The following ZMYND8 variants were observed in gnomAD, a reference collection of about 807,000 sequenced individuals.
ZMYND8 encodes the protein MYND-type zinc finger-containing chromatin reader ZMYND8.
ZMYND8 carries 37 observed loss-of-function variants against 140.8 expected under a neutral mutation model. That is an observed-to-expected ratio of 0.26 (90% CI 0.20 to 0.35). ZMYND8 has a LOEUF of 0.35. ZMYND8 is among the 10% of genes least tolerant of loss of function. ZMYND8 has a pLI of 1.00. For missense variants in ZMYND8, 1,068 were observed against 1,570.0 expected (o/e 0.68, Z 5.40); for synonymous variants, 592 against 597.1 (o/e 0.99, Z 0.12).
At position 47,297,649 on chromosome 20, in the gene ZMYND8, T is replaced by C. The variant is rs140814460; in HGVS notation, c.453+1080A>G. On this transcript the variant is annotated intron_variant, in intron 4 of 22. Transcript: ENST00000471951. The stretch of plus-strand genomic sequence containing the variant: ...TATGTTGCCCAGACAGGTCTTGAAC[T>C]CCTGGGATCAAGCAATTCTCCTGCC... 6.8e-3 allele frequency among the ~76,000 whole-genome samples: 1,035 copies of C among 152,236 alleles called. 11 individuals carry two copies. The highest frequency in any genetic ancestry group is 0.024 in the African/African-American group (994 of 41,538).
At chr20:47,331,190 A>G (rs2080910113) in intron 2 of ZMYND8, among the ~76,000 whole-genome samples, 1 of 152,218 alleles carries the variant, frequency 6.6e-6, no homozygotes, top group African/African-American at 2.4e-5. Context: ...CCAAGGAGGA[A>G]ACACTTAAGA....
chr20:47,294,822 G>T lies in ZMYND8; in HGVS notation c.454-43C>A, dbSNP rs1341473265. 3.2e-6 allele frequency: 5 copies of T among 1,558,990 alleles called. No homozygotes were observed. The East Asian group carries it at 9.0e-5, about 28-fold the overall frequency. On this transcript the variant is annotated intron_variant, in intron 4 of 22. Coordinates refer to ENST00000471951, the MANE Select transcript of ZMYND8 (RefSeq NM_001281775.3). The stretch of plus-strand genomic sequence containing the variant: ...TACATAAACGTCCGGTTAGAAAAAA[G>T]AAATTACCATCCATGTACTGATTTC...
At chr20:47,355,541 T>G (rs1043738492) in intron 1 of ZMYND8, 3 of 976,892 alleles carry the variant, frequency 3.1e-6, no homozygotes, top group Non-Finnish European at 3.6e-6. Flanking sequence ...AAGGAAATTT[T>G]TTTAAACAGT....
intron 10 of ZMYND8, among the ~76,000 whole-genome samples, chr20:47,281,031 T>G (rs2076575193): frequency 6.6e-6 from 1 of 152,206 alleles, no homozygotes; most frequent in African/African-American, 2.4e-5. Context: ...GATGTCAGCC[T>G]TCACATGGGC....
chr20:47,355,374 A>G (rs2083137547), intron 1 of ZMYND8: 4 of 906,536 alleles, frequency 4.4e-6, no homozygotes, highest in Non-Finnish European at 4.0e-6. Flanking sequence ...GCCAAGACCC[A>G]CTATTACAAA....
intron 2 of ZMYND8, among the ~76,000 whole-genome samples, chr20:47,346,924 T>C (rs534574548): frequency 2.6e-5 from 4 of 152,286 alleles, no homozygotes; most frequent in Admixed American, 2.6e-4. Flanking sequence ...CTTGTAACAA[T>C]CCTCAAAATG....
intron 16 of ZMYND8, among the ~76,000 whole-genome samples, chr20:47,234,898 G>C (rs1346696857): frequency 3.3e-5 from 5 of 152,244 alleles, no homozygotes; most frequent in Middle Eastern, 3.4e-3. Flanking sequence ...CCAACACTTT[G>C]GGAGGACTAG....
chr20:47,285,943 CGT>C, intron 8 of ZMYND8: 1 of 682,736 alleles, frequency 1.5e-6, no homozygotes, highest in Non-Finnish European at 1.8e-6. Flanking sequence ...ATATTCCCAG[CGT>C]CTTTGGAGGC....
intron 14 of ZMYND8, among the ~76,000 whole-genome samples, chr20:47,242,005 G>A (rs2040030685): frequency 6.6e-6 from 1 of 151,786 alleles, no homozygotes; most frequent in African/African-American, 2.4e-5. Flanking sequence ...TCTCAGTAGA[G>A]GCGGGGTTTC....
chr20:47,238,805 GGCTGCTGCTGCTGGTTTTGCTGCTGCT>G lies in ZMYND8; in HGVS notation c.2591_2617del (p.Gln864_Gln872del), dbSNP rs1568954011. The G allele has an allele frequency of 1.2e-6, 2 of 1,613,074 alleles. No individual in the cohort carries two copies. The highest frequency in any genetic ancestry group is 1.7e-6 in the Non-Finnish European group (2 of 1,180,002). On this transcript the variant is annotated inframe_deletion, in exon 15 of 23. Coordinates refer to ENST00000471951, the MANE Select transcript of ZMYND8 (RefSeq NM_001281775.3). The stretch of plus-strand genomic sequence containing the variant: ...ATATCTCGTCCCCTGGGAAGACTGA[GGCTGCTGCTGCTGGTTTTGCTGCTGCT>G]GCTGCTGCTGCTGACGCTGCATCTT...
intron 2 of ZMYND8, among the ~76,000 whole-genome samples, chr20:47,331,930 G>A (rs1028146184): frequency 1.3e-5 from 2 of 152,222 alleles, no homozygotes; most frequent in South Asian, 2.1e-4. Flanking sequence ...CTTGCTGGAC[G>A]CGGTGGCTCA....
intron 1 of ZMYND8, among the ~76,000 whole-genome samples, chr20:47,350,471 T>G (rs186207119): frequency 0.026 from 3,912 of 150,216 alleles, 138 homozygotes; most frequent in African/African-American, 0.085. Context: ...GTGTGTGTGT[T>G]TTTTTTTGAT....
At chr20:47,299,391 C>T (rs1031842562) in intron 3 of ZMYND8, among the ~76,000 whole-genome samples, 3 of 152,114 alleles carry the variant, frequency 2.0e-5, no homozygotes, top group Admixed American at 6.6e-5. Context: ...ATAATGTATG[C>T]CTGTTTATCA....
In ZMYND8 at chr20:47,312,806, A is replaced by AAG. The variant is rs1451243122; in HGVS notation, c.86-2604_86-2603dup. ...CTCCGTCTCAAAAAAAAAAAAAAAA[A>AAG]AGAGAGAGAGGTGCAGCCCGGGGTG... On this transcript the variant is annotated intron_variant, in intron 2 of 22. Transcript: ENST00000471951. 3.0e-4 allele frequency among the ~76,000 whole-genome samples: 45 copies of AAG among 150,742 alleles called. 1 individual carries two copies. The highest frequency in any genetic ancestry group is 1.7e-3 in the South Asian group (8 of 4,718).
chr20:47,312,890 G>A (rs775186398), intron 2 of ZMYND8, among the ~76,000 whole-genome samples: 5 of 151,454 alleles, frequency 3.3e-5, no homozygotes, highest in South Asian at 2.1e-4. Flanking sequence ...CCCGACTCTC[G>A]CCACTGTTCC....
intron 12 of ZMYND8, among the ~76,000 whole-genome samples, chr20:47,251,487 C>T (rs896422982): frequency 1.3e-5 from 2 of 151,172 alleles, no homozygotes; most frequent in African/African-American, 2.4e-5. Flanking sequence ...CTTGGGAGGC[C>T]GAAGTAGGAG....
At chr20:47,214,655 A>G (rs577383647) in intron 21 of ZMYND8, among the ~76,000 whole-genome samples, 4 of 152,240 alleles carry the variant, frequency 2.6e-5, no homozygotes, top group East Asian at 1.9e-4. Context: ...CACCACGCCT[A>G]GCTAATTTTT....
intron 17 of ZMYND8, among the ~76,000 whole-genome samples, chr20:47,228,969 G>A (rs1172359642): frequency 6.6e-6 from 1 of 151,878 alleles, no homozygotes; most frequent in Admixed American, 6.6e-5. Context: ...TTTTAAAAGC[G>A]GATGCTTTAT....
intron 2 of ZMYND8, among the ~76,000 whole-genome samples, chr20:47,335,838 A>G (rs1016949295): frequency 6.6e-6 from 1 of 152,212 alleles, no homozygotes; most frequent in South Asian, 2.1e-4. Flanking sequence ...AAGATTTCTC[A>G]TTTGCAAAAC....
Sources: gnomAD v4.1 joint callset for allele counts (sites outside exome capture counted in the v4.1 genomes callset) on GRCh38, gnomAD v4.1.1 for gene constraint, MANE v1.5 for transcripts, NCBI Gene and HGNC (gene_info 2026-07-23, HGNC 2026-07-21) for gene names.